The following LCORL variants were observed in gnomAD, a reference collection of about 807,000 sequenced individuals.
The protein encoded by LCORL is ligand-dependent nuclear receptor corepressor-like protein.
Under a neutral mutation model 141.8 loss-of-function variants are expected in LCORL, and 41 were observed. The observed-to-expected ratio is 0.29, with a 90% CI of 0.23 to 0.38. LCORL has a LOEUF of 0.38. LCORL is among the 10% of genes least tolerant of loss of function. LCORL has a pLI of 1.00. For synonymous variants in LCORL, 618 were observed against 694.1 expected (o/e 0.89, Z 1.72); for missense variants, 1,759 against 2,035.0 (o/e 0.86, Z 2.61).
At chr4:17,889,955 C>T (rs917540711) in intron 5 of LCORL, among the ~76,000 whole-genome samples, 10 of 151,980 alleles carry the variant, frequency 6.6e-5, no homozygotes, top group East Asian at 5.8e-4. Context: ...TAAAATTAAG[C>T]GCCCAGCATG....
At chr4:17,936,426 T>C (rs936064024) in intron 4 of LCORL, among the ~76,000 whole-genome samples, 16 of 150,462 alleles carry the variant, frequency 1.1e-4, no homozygotes, top group African/African-American at 2.7e-4. Context: ...CATAGTGGCA[T>C]AGTGGCAGGG....
At chr4:17,956,934 T>A (rs1201550250) in intron 4 of LCORL, among the ~76,000 whole-genome samples, 1 of 151,656 alleles carries the variant, frequency 6.6e-6, no homozygotes, top group Non-Finnish European at 1.5e-5. Flanking sequence ...GTACAATAAA[T>A]AAAAAATAAA....
chr4:17,936,772 T>C (rs894242006), intron 4 of LCORL, among the ~76,000 whole-genome samples: 4 of 152,146 alleles, frequency 2.6e-5, no homozygotes, highest in African/African-American at 9.7e-5. Flanking sequence ...TATCCTTCCC[T>C]CCCCTTCCTA....
intron 7 of LCORL, among the ~76,000 whole-genome samples, chr4:17,855,372 T>C (rs775821893): frequency 2.6e-4 from 40 of 152,210 alleles, no homozygotes; most frequent in Non-Finnish European, 5.3e-4. Context: ...AACAAGTTGT[T>C]GATCTAAAAC....
chr4:17,998,697 G>C (rs1721299316), intron 1 of LCORL, among the ~76,000 whole-genome samples: 1 of 151,694 alleles, frequency 6.6e-6, no homozygotes, highest in Non-Finnish European at 1.5e-5. Flanking sequence ...TTCGGACATG[G>C]TGTTCATGCC....
intron 1 of LCORL, among the ~76,000 whole-genome samples, chr4:18,015,023 A>G (rs1724424737): frequency 6.6e-6 from 1 of 152,214 alleles, no homozygotes; most frequent in Non-Finnish European, 1.5e-5. Flanking sequence ...AAAGATAGAA[A>G]CTTCCCACCA....
At chr4:17,846,002 A>C in intron 7 of LCORL, 101 bp from the exon 8 acceptor site, 1 of 896,884 alleles carries the variant, frequency 1.1e-6, no homozygotes, top group East Asian at 2.4e-5. Flanking sequence ...TGGACCTCTA[A>C]ATTTTAGCAT....
chr4:17,892,209 C>CT (rs1018422638), intron 5 of LCORL, among the ~76,000 whole-genome samples: 1,721 of 126,452 alleles, frequency 0.014, 21 homozygotes, highest in South Asian at 0.024. Context: ...TTTTTTTTTT[C>CT]TTTTTTTTTT....
intron 6 of LCORL, among the ~76,000 whole-genome samples, chr4:17,878,720 A>C (rs542900532): frequency 6.6e-6 from 1 of 151,400 alleles, no homozygotes; most frequent in Admixed American, 6.6e-5. Flanking sequence ...TTTAGATTTT[A>C]TGTAAATAAG....
At chr4:18,013,694 C>A (rs1173038222) in intron 1 of LCORL, among the ~76,000 whole-genome samples, 1 of 152,164 alleles carries the variant, frequency 6.6e-6, no homozygotes, top group Non-Finnish European at 1.5e-5. Context: ...GACAAAATTA[C>A]GTCCTATGTG....
chr4:17,885,319 T>A (rs891331234), intron 6 of LCORL, among the ~76,000 whole-genome samples: 1 of 151,986 alleles, frequency 6.6e-6, no homozygotes, highest in Non-Finnish European at 1.5e-5. Context: ...ATTTTAGATA[T>A]TATAAATGTC....
intron 5 of LCORL, among the ~76,000 whole-genome samples, chr4:17,898,092 G>C (rs1003532741): frequency 6.6e-6 from 1 of 151,926 alleles, no homozygotes; most frequent in African/African-American, 2.4e-5. Context: ...TCATAATGAT[G>C]TTAACATGAT....
chr4:17,990,185 G>A (rs1438492905), intron 1 of LCORL, among the ~76,000 whole-genome samples: 2 of 139,680 alleles, frequency 1.4e-5, no homozygotes, highest in East Asian at 4.4e-4. Flanking sequence ...TGCAAGCTCC[G>A]CCTCCTGGGT....
chr4:17,950,278 G>C (rs904192865), intron 4 of LCORL, among the ~76,000 whole-genome samples: 1 of 152,086 alleles, frequency 6.6e-6, no homozygotes, highest in Non-Finnish European at 1.5e-5. Flanking sequence ...AACATATGGA[G>C]AAAGAAAATC....
chr4:17,875,401 T>C lies in LCORL; in HGVS notation c.3589A>G (p.Ile1197Val), dbSNP rs185479592. The stretch of plus-strand genomic sequence containing the variant: ...GTAGTCAAGCTTGCTACAGCACTTA[T>C]TCTTTCACCCAAGTCAATTTTGTCT... The change falls in exon 7 of 8, where the codon ATA becomes GTA. Residue 1197 changes from isoleucine to valine, a missense_variant. Around this residue, in one of 5 missense-constraint regions of LCORL, gnomAD observed 1,311 missense variants for 1,531.3 expected, o/e 0.86. Coordinates refer to ENST00000635767, the Ensembl canonical transcript of LCORL. The C allele has an allele frequency of 1.5e-4, 190 of 1,231,450 alleles. No homozygotes were observed. In the African/African-American group the frequency reaches 2.7e-3, roughly 17 times the overall value. 76.3% of individuals were successfully genotyped at this position (1,231,450 alleles called of 1,614,324 possible).
chr4:17,880,510 T>C (rs1326336689), intron 6 of LCORL: 3 of 953,072 alleles, frequency 3.1e-6, no homozygotes, highest in African/African-American at 1.8e-5. Context: ...TAGAAACTTG[T>C]TGGAATATTT....
intron 5 of LCORL, among the ~76,000 whole-genome samples, chr4:17,897,830 T>C (rs1730229095): frequency 2.0e-5 from 3 of 152,300 alleles, no homozygotes; most frequent in Non-Finnish European, 4.4e-5. Context: ...TCTTGTACAT[T>C]TCCTAGTCCA....
intron 4 of LCORL, among the ~76,000 whole-genome samples, chr4:17,951,794 A>C (rs1304435590): frequency 1.3e-5 from 2 of 152,254 alleles, no homozygotes; most frequent in Admixed American, 6.5e-5. Flanking sequence ...CCTGGCATGT[A>C]GTAGGAGCTT....
chr4:18,013,233 T>C (rs1273701420), intron 1 of LCORL, among the ~76,000 whole-genome samples: 1 of 152,178 alleles, frequency 6.6e-6, no homozygotes, highest in Non-Finnish European at 1.5e-5. Flanking sequence ...TACTTTGAGG[T>C]TTCTCTTCTT....
Sources: allele counts gnomAD v4.1 joint callset (sites outside exome capture counted in the v4.1 genomes callset), GRCh38; gene constraint gnomAD v4.1.1; regional missense constraint gnomAD v4.1.1; transcripts MANE v1.5; gene names NCBI Gene and HGNC (gene_info 2026-07-23, HGNC 2026-07-21).